LRP1B: variants seen among roughly 807,000 people sequenced by gnomAD.
LRP1B encodes LDL receptor related protein 1B, also known as low-density lipoprotein receptor-related protein 1B.
In LRP1B, 217 loss-of-function variants were observed where a neutral mutation model predicts 556.6. The observed-to-expected ratio is 0.39, with a 90% confidence interval of 0.35 to 0.44. The LOEUF (loss-of-function observed/expected upper bound fraction) is 0.44, where lower values mean the gene tolerates loss of function less well. Among genes scored for constraint, LRP1B ranks in the 20% least tolerant of loss-of-function variants. The pLI, the probability that LRP1B is intolerant of heterozygous loss-of-function variation, is 1.00. For synonymous variants in LRP1B, 2,047 were observed against 1,865.8 expected, an observed-to-expected ratio of 1.10 and a Z score of -2.50; for missense variants, 5,053 against 5,620.8, an observed-to-expected ratio of 0.90 and a Z score of 3.23.
intron 20 of LRP1B, among the ~76,000 whole-genome samples, chr2:140,948,565 T>G (rs1695611117): frequency 6.6e-6 from 1 of 152,228 alleles, no homozygotes; most frequent in African/African-American, 2.4e-5. Flanking sequence ...GTAGCTTTAT[T>G]GATAATGCAT....
intron 43 of LRP1B, 55 bp downstream of exon 43, chr2:140,598,576 G>T: frequency 7.4e-7 from 1 of 1,355,588 alleles, no homozygotes; most frequent in Non-Finnish European, 1.0e-6. Flanking sequence ...TAAATCACAT[G>T]TTTTAAATAT....
chr2:141,194,034 C>G (rs1681639522), intron 6 of LRP1B, among the ~76,000 whole-genome samples: 1 of 152,058 alleles, frequency 6.6e-6, no homozygotes. Flanking sequence ...GAAAAGATAA[C>G]TGCAAAGTTT....
intron 18 of LRP1B, among the ~76,000 whole-genome samples, chr2:140,960,415 G>A (rs2105314196): frequency 6.6e-6 from 1 of 151,864 alleles, no homozygotes; most frequent in Non-Finnish European, 1.5e-5. Context: ...CAAATTATCA[G>A]TGAGCTTCAC....
At chr2:141,288,409 A>G (rs543431548) in intron 3 of LRP1B, among the ~76,000 whole-genome samples, 2 of 152,276 alleles carry the variant, frequency 1.3e-5, no homozygotes, top group South Asian at 4.1e-4. Flanking sequence ...GAAAATGCAT[A>G]TTTCCATCTA....
At position 140,506,842 on chromosome 2, in the gene LRP1B, G is replaced by A. The variant is rs372766983; in HGVS notation, c.8475C>T (p.Asp2825=). 1.1e-5 allele frequency: 17 copies of A among 1,613,960 alleles called. No homozygotes were observed. In the African/African-American group the frequency reaches 1.5e-4, roughly 14 times the overall value. Residue 2825 remains aspartate (D), a synonymous_variant, in exon 53 of 91, where the codon GAC becomes GAT. Transcript: ENST00000389484. ...AGCCATCTCCACAGTCGTCATCATG[G>A]TCACAAACAAATTGCTTGGGAATGC... ...KVCIPKQFVC[D]HDDDCGDGSD...
chr2:141,685,762 AG>A (rs1184546853), intron 2 of LRP1B, among the ~76,000 whole-genome samples: 1 of 152,034 alleles, frequency 6.6e-6, no homozygotes, highest in Non-Finnish European at 1.5e-5. Flanking sequence ...CACAAGGAAT[AG>A]ATTCTTTCCT....
At chr2:141,588,231 C>T (rs1191244408) in intron 2 of LRP1B, among the ~76,000 whole-genome samples, 1 of 146,532 alleles carries the variant, frequency 6.8e-6, no homozygotes, top group East Asian at 2.0e-4. Context: ...TAATCCCCAA[C>T]TTAGGACTGG....
At chr2:141,003,206 T>C (rs192526984) in intron 15 of LRP1B, among the ~76,000 whole-genome samples, 46 of 151,792 alleles carry the variant, frequency 3.0e-4, no homozygotes, top group African/African-American at 8.7e-4. Flanking sequence ...AAAAAGAAAA[T>C]AAATGGTTTG....
intron 2 of LRP1B, among the ~76,000 whole-genome samples, chr2:141,770,437 A>G (rs1029123222): frequency 1.9e-4 from 29 of 152,200 alleles, no homozygotes; most frequent in Non-Finnish European, 2.8e-4. Context: ...AGTATTTAAT[A>G]ATTGTGAACT....
chr2:141,326,069 A>C (rs1687415242), intron 3 of LRP1B, among the ~76,000 whole-genome samples: 1 of 152,196 alleles, frequency 6.6e-6, no homozygotes. Flanking sequence ...GATATTAAAA[A>C]TAGTGCTTTA....
intron 35 of LRP1B, among the ~76,000 whole-genome samples, chr2:140,736,433 C>T (rs1003001827): frequency 6.6e-6 from 1 of 151,994 alleles, no homozygotes; most frequent in Non-Finnish European, 1.5e-5. Flanking sequence ...AATCCTAAGC[C>T]AAAAGAGCAA....
At chr2:141,613,167 A>G (rs1688169436) in intron 2 of LRP1B, among the ~76,000 whole-genome samples, 1 of 151,822 alleles carries the variant, frequency 6.6e-6, no homozygotes, top group African/African-American at 2.4e-5. Flanking sequence ...TTTTTGTGAC[A>G]ATTGCCTGTT....
At chr2:141,641,650 G>T (rs745309630) in intron 2 of LRP1B, among the ~76,000 whole-genome samples, 1 of 152,030 alleles carries the variant, frequency 6.6e-6, no homozygotes, top group Non-Finnish European at 1.5e-5. Flanking sequence ...CATTATGAAA[G>T]CTTACATTCC....
intron 85 of LRP1B, 83 bp downstream of exon 85, chr2:140,274,341 C>T (rs1682582060): frequency 1.6e-6 from 2 of 1,239,818 alleles, no homozygotes; most frequent in African/African-American, 3.0e-5. Flanking sequence ...AAACAATCTA[C>T]AAAGTTTTTA....
intron 37 of LRP1B, among the ~76,000 whole-genome samples, chr2:140,714,300 G>T (rs1687136859): frequency 6.6e-6 from 1 of 152,066 alleles, no homozygotes; most frequent in African/African-American, 2.4e-5. Flanking sequence ...AACGTTAATT[G>T]AATAAATTGA....
chr2:141,079,347 G>T (rs1438201722), intron 7 of LRP1B, among the ~76,000 whole-genome samples: 3 of 152,086 alleles, frequency 2.0e-5, no homozygotes, highest in African/African-American at 7.2e-5. Flanking sequence ...TGAAGTACTG[G>T]GACCACTGAA....
intron 41 of LRP1B, among the ~76,000 whole-genome samples, chr2:140,659,399 C>A (rs890799478): frequency 1.3e-5 from 2 of 151,896 alleles, no homozygotes; most frequent in Non-Finnish European, 2.9e-5. Flanking sequence ...AGGTTCTACT[C>A]GATTACAGCT....
chr2:141,592,507 T>C (rs1206145159), intron 2 of LRP1B, among the ~76,000 whole-genome samples: 1 of 152,168 alleles, frequency 6.6e-6, no homozygotes, highest in East Asian at 1.9e-4. Context: ...CATATGATGA[T>C]GGTATCTTGG....
intron 32 of LRP1B, among the ~76,000 whole-genome samples, chr2:140,776,612 T>C (rs1437507424): frequency 6.6e-6 from 1 of 151,942 alleles, no homozygotes; most frequent in Non-Finnish European, 1.5e-5. Flanking sequence ...TTTTGTACGA[T>C]ACGTATTTGT....
Sources: allele counts gnomAD v4.1 joint callset (sites outside exome capture counted in the v4.1 genomes callset), GRCh38; gene constraint gnomAD v4.1.1; transcripts MANE v1.5; gene names NCBI Gene and HGNC (gene_info 2026-07-23, HGNC 2026-07-21).